Variants in HDAC4 observed in about 807,000 individuals in gnomAD.
HDAC4 encodes histone deacetylase A.
Under a neutral mutation model 135.1 loss-of-function variants are expected in HDAC4, and 16 were observed. The observed-to-expected ratio is 0.12, with a 90% CI of 0.08 to 0.18. The LOEUF is 0.18. HDAC4 is among the 10% of genes least tolerant of loss of function. The pLI is 1.00. For missense variants in HDAC4, 1,143 were observed against 1,511.8 expected, an observed-to-expected ratio of 0.76 and a Z score of 4.05; for synonymous variants, 685 against 653.4, an observed-to-expected ratio of 1.05 and a Z score of -0.74.
At chr2:239,380,093 G>A (rs922434111) in intron 1 of HDAC4, among the ~76,000 whole-genome samples, 2 of 152,212 alleles carry the variant, frequency 1.3e-5, no homozygotes, top group African/African-American at 2.4e-5. Flanking sequence ...GGCGCGGCGT[G>A]GGCCCATGGG....
chr2:239,089,351 C>T (rs549381769), intron 18 of HDAC4, among the ~76,000 whole-genome samples: 25 of 152,234 alleles, frequency 1.6e-4, no homozygotes, highest in Admixed American at 1.1e-3. Flanking sequence ...TTTTTTGAGA[C>T]GGAGTCTCAC....
In HDAC4 at chr2:239,309,874, T is replaced by C. The variant is rs544137293; in HGVS notation, c.22+42804A>G. Among the ~76,000 whole-genome samples the C allele has an allele frequency of 6.6e-6, 1 of 152,194 alleles. No individual in the cohort carries two copies. The highest frequency in any genetic ancestry group is 6.5e-5 in the Admixed American group (1 of 15,300). On this transcript the variant is annotated intron_variant, in intron 2 of 26. Transcript: ENST00000543185. The surrounding 1 kb of genome is among the most constrained non-coding windows in gnomAD (Gnocchi z 4.2). ...AGGCCAGCAGCCCCTAGCAGAAGGG[T>C]GTTCTGGAAGCTGCCCCCTCCCATG...
In HDAC4 at chr2:239,394,182, T is replaced by C. The variant is rs548125467; in HGVS notation, c.-220+6796A>G. Among the ~76,000 whole-genome samples, 41 of 152,348 alleles carry C rather than the reference T, an allele frequency of 2.7e-4. No homozygotes were observed. The South Asian group carries it at 7.5e-3, about 28-fold the overall frequency. On this transcript the variant is annotated intron_variant, in intron 1 of 26. Coordinates refer to ENST00000543185, the MANE Select transcript of HDAC4 (RefSeq NM_001378414.1). ...CTTTCAGGTCCTAAGAACTGATTTA[T>C]TGTTTCAAGCTTAAACATCAATCCA...
chr2:239,093,894 T>G (rs907462325), intron 17 of HDAC4: 3 of 968,446 alleles, frequency 3.1e-6, no homozygotes, highest in Non-Finnish European at 3.7e-6. Flanking sequence ...TGCAGCCTAT[T>G]TACAATACAA....
intron 18 of HDAC4, among the ~76,000 whole-genome samples, chr2:239,089,287 AGGC>A (rs1242387403): frequency 6.6e-6 from 1 of 152,206 alleles, no homozygotes; most frequent in African/African-American, 2.4e-5. Context: ...TGCTGTCCAC[AGGC>A]AAGACATTAG....
intron 2 of HDAC4, among the ~76,000 whole-genome samples, chr2:239,283,292 A>T (rs982448182): frequency 1.3e-5 from 2 of 152,240 alleles, no homozygotes; most frequent in African/African-American, 2.4e-5. Context: ...AAAACTCTGC[A>T]TGACGCTGGG....
intron 2 of HDAC4, among the ~76,000 whole-genome samples, chr2:239,276,600 T>G (rs1265122383): frequency 6.6e-6 from 1 of 152,180 alleles, no homozygotes; most frequent in East Asian, 1.9e-4. Context: ...CCATCTGCTC[T>G]CCAGACACAG....
chr2:239,363,116 T>C (rs780288081), intron 1 of HDAC4, among the ~76,000 whole-genome samples: 3 of 152,208 alleles, frequency 2.0e-5, no homozygotes, highest in Non-Finnish European at 4.4e-5. Flanking sequence ...CGTAGAAGAA[T>C]TCTACATAGA....
chr2:239,269,391 A>T (rs1030678217), intron 2 of HDAC4, among the ~76,000 whole-genome samples: 2 of 152,238 alleles, frequency 1.3e-5, no homozygotes, highest in East Asian at 3.8e-4. Context: ...CAAATATTGT[A>T]CATTGTCTGT....
rs1189014649 is a variant in HDAC4 at position 239,352,207 on chromosome 2, C to T, written c.22+471G>A. 6.6e-6 allele frequency among the ~76,000 whole-genome samples: 1 copy of T among 152,152 alleles called. No homozygotes were observed. The highest frequency in any genetic ancestry group is 1.5e-5 in the Non-Finnish European group (1 of 68,030). ...TTGTAAAATGCTTAGTGCAGCCCCT[C>T]ACAGAGGCCCTCAAACACCAGGAGC... is the stretch of plus-strand genomic sequence containing the variant. On this transcript the variant is annotated intron_variant, in intron 2 of 26. Coordinates refer to ENST00000543185, the MANE Select transcript of HDAC4 (RefSeq NM_001378414.1). The surrounding 1 kb of genome is among the most constrained non-coding windows in gnomAD (Gnocchi z 4.4).
chr2:239,102,657 A>G, intron 16 of HDAC4, 119 bp downstream of exon 16: 1 of 1,160,200 alleles, frequency 8.6e-7, no homozygotes, highest in Non-Finnish European at 1.3e-6. Context: ...CAGGCCCTTT[A>G]CCTTATAACC....
chr2:239,312,563 T>C lies in HDAC4; in HGVS notation c.22+40115A>G, dbSNP rs546769604. Among the ~76,000 whole-genome samples, 16 of 152,360 alleles carry C rather than the reference T, an allele frequency of 1.1e-4. No individual in the cohort carries two copies. In the South Asian group the frequency reaches 3.1e-3, roughly 30 times the overall value. ...TCCATTCTAAAGCAAACGCTAAGAA[T>C]GGGCTGCTGGGCTTCAGCAGAAGCC... On this transcript the variant is annotated intron_variant, in intron 2 of 26. Transcript: ENST00000543185.
At chr2:239,350,326 GAAT>G (rs1408218675) in intron 2 of HDAC4, among the ~76,000 whole-genome samples, 6 of 151,442 alleles carry the variant, frequency 4.0e-5, no homozygotes, top group African/African-American at 7.3e-5. Flanking sequence ...AATGTAAAAA[GAAT>G]ATTATAAGAC....
At chr2:239,111,458 G>C in intron 14 of HDAC4, 68 bp downstream of exon 14, 1 of 1,466,482 alleles carries the variant, frequency 6.8e-7, no homozygotes, top group East Asian at 2.5e-5. Context: ...GGGCCGGGAA[G>C]AGCCCCCCGC....
chr2:239,162,948 C>T (rs564950235), intron 6 of HDAC4, among the ~76,000 whole-genome samples: 1 of 152,202 alleles, frequency 6.6e-6, no homozygotes, highest in South Asian at 2.1e-4. Context: ...ACAAAAACTC[C>T]CTTATGGGAT....
At chr2:239,283,740 C>T (rs947455329) in intron 2 of HDAC4, among the ~76,000 whole-genome samples, 1 of 152,210 alleles carries the variant, frequency 6.6e-6, no homozygotes, top group African/African-American at 2.4e-5. Flanking sequence ...CCACCACGGG[C>T]GGTCATGGAA....
intron 15 of HDAC4, among the ~76,000 whole-genome samples, chr2:239,107,660 C>T (rs1256962766): frequency 1.3e-5 from 2 of 152,258 alleles, no homozygotes; most frequent in Admixed American, 6.5e-5. Context: ...ATAATCGGAT[C>T]TCCCCGTGGC....
intron 18 of HDAC4, 63 bp downstream of exon 18, chr2:239,089,946 C>T: frequency 8.0e-7 from 1 of 1,257,064 alleles, no homozygotes; most frequent in Non-Finnish European, 1.2e-6. Context: ...GGCGGCCCCT[C>T]CCCACACTGG....
chr2:239,326,071 T>C (rs1048442829), intron 2 of HDAC4, among the ~76,000 whole-genome samples: 1 of 152,084 alleles, frequency 6.6e-6, no homozygotes, highest in Non-Finnish European at 1.5e-5. Context: ...TGTGTACACA[T>C]ATGTTCACAG....
Sources: gnomAD v4.1 joint callset for allele counts (sites outside exome capture counted in the v4.1 genomes callset) on GRCh38, gnomAD v4.1.1 for gene constraint, Gnocchi (gnomAD v3.1) non-coding constraint, MANE v1.5 for transcripts, NCBI Gene and HGNC (gene_info 2026-07-23, HGNC 2026-07-21) for gene names.